The following TSHZ2 variants were observed in gnomAD, a reference collection of about 807,000 sequenced individuals.
The protein encoded by TSHZ2 is teashirt zinc finger homeobox 2.
TSHZ2 carries 21 observed loss-of-function variants against 74.4 expected under a neutral mutation model. The ratio of observed to expected loss-of-function variants is 0.28; its 90% CI spans 0.20 to 0.41. TSHZ2 has a LOEUF of 0.41. Ranked by LOEUF, TSHZ2 falls within the 10% of genes least tolerant of loss-of-function variation. The pLI, the probability that TSHZ2 is intolerant of heterozygous loss-of-function variation, is 1.00. For missense variants in TSHZ2, 1,244 were observed against 1,293.5 expected, an observed-to-expected ratio of 0.96 and a Z score of 0.59; for synonymous variants, 540 against 515.3, an observed-to-expected ratio of 1.05 and a Z score of -0.65.
chr20:53,128,222 A>G (rs1227364409), intron 1 of TSHZ2, among the ~76,000 whole-genome samples: 1 of 152,230 alleles, frequency 6.6e-6, no homozygotes, highest in Non-Finnish European at 1.5e-5. Context: ...CTTCCACTGA[A>G]GAGGCTCAAC....
chr20:53,079,980 C>T (rs1273134612), intron 1 of TSHZ2, among the ~76,000 whole-genome samples: 1 of 151,990 alleles, frequency 6.6e-6, no homozygotes, highest in Non-Finnish European at 1.5e-5. Context: ...TTGTTGTTGC[C>T]CAATGAAAAC....
intron 1 of TSHZ2, among the ~76,000 whole-genome samples, chr20:52,981,494 C>T (rs990719989): frequency 1.3e-5 from 2 of 152,022 alleles, no homozygotes; most frequent in Admixed American, 6.5e-5. Context: ...CACAGGGATA[C>T]GAGGGAATAG....
At chr20:53,229,722 GAAAA>G (rs1989774306) in intron 1 of TSHZ2, among the ~76,000 whole-genome samples, 1 of 150,112 alleles carries the variant, frequency 6.7e-6, no homozygotes, top group African/African-American at 2.4e-5. Flanking sequence ...AATTGGGAGA[GAAAA>G]GAAAGAAGTG....
intron 1 of TSHZ2, among the ~76,000 whole-genome samples, chr20:53,182,123 T>TA (rs1988485727): frequency 6.6e-6 from 1 of 151,190 alleles, no homozygotes; most frequent in Non-Finnish European, 1.5e-5. Flanking sequence ...TCCTCCCTTC[T>TA]TTCTCTCCCT....
intron 1 of TSHZ2, among the ~76,000 whole-genome samples, chr20:53,086,793 T>C (rs1321289634): frequency 1.3e-5 from 2 of 152,210 alleles, no homozygotes; most frequent in Non-Finnish European, 2.9e-5. Flanking sequence ...TTAAGACTTA[T>C]CTTTTAATGC....
chr20:53,295,706 A>G (rs1379506230), intron 2 of TSHZ2, among the ~76,000 whole-genome samples: 2 of 152,218 alleles, frequency 1.3e-5, no homozygotes, highest in Admixed American at 6.5e-5. Context: ...ATGTTTTCAT[A>G]TCTGGCCAGA....
At chr20:53,448,115 G>A (rs750921295) in intron 2 of TSHZ2, among the ~76,000 whole-genome samples, 19 of 151,994 alleles carry the variant, frequency 1.3e-4, no homozygotes, top group South Asian at 4.2e-4. Context: ...GGGTTTCACC[G>A]TGTTAGCCAG....
Position 53,493,831 on chromosome 20 carries a change from G to T in TSHZ2, c.*6696G>T, listed in dbSNP as rs965080996. ...TAGGCATCTATGCCCATTTCTCTGG[G>T]ATCTGGAAAATTCTTCCCTTGGCTG... On this transcript the variant is annotated 3_prime_UTR_variant, in exon 3 of 3. Transcript: ENST00000371497. 2 of 152,096 alleles carry T rather than the reference G, an allele frequency of 1.3e-5. No individual in the cohort carries two copies. The highest frequency in any genetic ancestry group is 4.8e-5 in the African/African-American group (2 of 41,406). The allele number at this position is 152,096 out of a possible 1,614,324, so 9.4% of individuals were successfully genotyped here.
intron 1 of TSHZ2, among the ~76,000 whole-genome samples, chr20:53,007,797 G>A (rs1334575496): frequency 6.6e-6 from 1 of 151,730 alleles, no homozygotes. Flanking sequence ...TTGAGTATTT[G>A]CAGAGTGATG....
At chr20:53,377,049 A>AC (rs1981683249) in intron 2 of TSHZ2, among the ~76,000 whole-genome samples, 1 of 152,176 alleles carries the variant, frequency 6.6e-6, no homozygotes, top group Non-Finnish European at 1.5e-5. Context: ...ATCGTGGTGT[A>AC]CTTCACTGAC....
At chr20:53,001,110 T>A (rs1982389671) in intron 1 of TSHZ2, among the ~76,000 whole-genome samples, 1 of 151,842 alleles carries the variant, frequency 6.6e-6, no homozygotes, top group African/African-American at 2.4e-5. Context: ...AAAACTCACA[T>A]TAAAACAACC....
rs534201984 is a variant in TSHZ2 at position 53,414,113 on chromosome 20, C to T, written c.*9-73031C>T. Among the ~76,000 whole-genome samples, 12 of 151,700 alleles carry T rather than the reference C, an allele frequency of 7.9e-5. No individual in the cohort carries two copies. The East Asian group carries it at 2.3e-3, about 29-fold the overall frequency. Reference sequence around the variant, plus strand: ...TTCAGCCTGGGTGACAGAGCAAGACCTTATCTCAAAAAATAAAAATAGAAA... The same window carrying T: ...TTCAGCCTGGGTGACAGAGCAAGACTTTATCTCAAAAAATAAAAATAGAAA... On this transcript the variant is annotated intron_variant, in intron 2 of 2. Coordinates refer to ENST00000371497, the MANE Select transcript of TSHZ2 (RefSeq NM_173485.6).
chr20:53,371,425 C>A (rs889563311), intron 2 of TSHZ2, among the ~76,000 whole-genome samples: 1 of 152,176 alleles, frequency 6.6e-6, no homozygotes, highest in Non-Finnish European at 1.5e-5. Context: ...GGCTGCAAGA[C>A]CCAGGTCAAG....
At chr20:53,151,169 G>A (rs1987668253) in intron 1 of TSHZ2, among the ~76,000 whole-genome samples, 1 of 152,092 alleles carries the variant, frequency 6.6e-6, no homozygotes, top group South Asian at 2.1e-4. Flanking sequence ...TCCCTCTGTG[G>A]TTAGAGTCAT....
chr20:53,286,880 C>G (rs914455621), intron 2 of TSHZ2, among the ~76,000 whole-genome samples: 35 of 133,988 alleles, frequency 2.6e-4, no homozygotes, highest in Non-Finnish European at 1.5e-5. Context: ...GACCCTGTCT[C>G]AAAAATACAC....
At chr20:53,077,184 G>A (rs887236985) in intron 1 of TSHZ2, among the ~76,000 whole-genome samples, 5 of 152,084 alleles carry the variant, frequency 3.3e-5, no homozygotes, top group East Asian at 3.9e-4. Context: ...AGGCTAAGGC[G>A]GGTGGGTCAC....
intron 1 of TSHZ2, among the ~76,000 whole-genome samples, chr20:53,148,513 A>C (rs1289047106): frequency 6.6e-6 from 1 of 152,112 alleles, no homozygotes; most frequent in African/African-American, 2.4e-5. Flanking sequence ...CAGGCCTGAC[A>C]CCCTGTAGAT....
intron 1 of TSHZ2, among the ~76,000 whole-genome samples, chr20:53,040,497 C>T (rs1192575029): frequency 6.6e-6 from 1 of 152,116 alleles, no homozygotes; most frequent in Non-Finnish European, 1.5e-5. Flanking sequence ...TGAGGTTACA[C>T]AACTTGAGAG....
At chr20:53,066,720 A>C (rs956511361) in intron 1 of TSHZ2, among the ~76,000 whole-genome samples, 21 of 152,080 alleles carry the variant, frequency 1.4e-4, no homozygotes, top group Non-Finnish European at 2.4e-4. Flanking sequence ...GTTGGCCAGG[A>C]TGGTCTCAAT....
Sources: allele counts gnomAD v4.1 joint callset (sites outside exome capture counted in the v4.1 genomes callset), GRCh38; gene constraint gnomAD v4.1.1; transcripts MANE v1.5; gene names NCBI Gene and HGNC (gene_info 2026-07-23, HGNC 2026-07-21).